The following NBEA variants were observed in gnomAD, a reference collection of about 807,000 sequenced individuals.
The protein encoded by NBEA is lysosomal-trafficking regulator 2.
A neutral mutation model predicts 343.4 loss-of-function variants in NBEA; 44 were observed. The observed-to-expected ratio is 0.13, with a 90% CI of 0.10 to 0.16. The LOEUF (loss-of-function observed/expected upper bound fraction) is 0.16. Among genes scored for constraint, NBEA ranks in the 10% least tolerant of loss-of-function variants. The pLI, the probability that NBEA is intolerant of heterozygous loss-of-function variation, is 1.00. For missense variants in NBEA, 2,555 were observed against 3,631.3 expected, an observed-to-expected ratio of 0.70 and a Z score of 7.62; for synonymous variants, 1,175 against 1,238.7, an observed-to-expected ratio of 0.95 and a Z score of 1.08.
chr13:35,320,967 C>T (rs777999200), intron 36 of NBEA, among the ~76,000 whole-genome samples: 9 of 152,056 alleles, frequency 5.9e-5, no homozygotes, highest in African/African-American at 1.9e-4. Flanking sequence ...TTCCCTAAAC[C>T]GGTTATTCTA....
chr13:35,660,206 CATT>C (rs2085018005), intron 55 of NBEA, among the ~76,000 whole-genome samples: 1 of 152,156 alleles, frequency 6.6e-6, no homozygotes. Context: ...GGCAAGTTAA[CATT>C]GTTGTCTCTT....
intron 46 of NBEA, among the ~76,000 whole-genome samples, chr13:35,586,996 CT>C (rs921696749): frequency 8.6e-6 from 1 of 116,534 alleles, no homozygotes; most frequent in African/African-American, 2.5e-5. Context: ...GATTTGAACT[CT>C]CAAATAGTCA....
At chr13:35,378,160 C>T (rs1167587143) in intron 38 of NBEA, among the ~76,000 whole-genome samples, 1 of 152,144 alleles carries the variant, frequency 6.6e-6, no homozygotes, top group Non-Finnish European at 1.5e-5. Context: ...GGAATAGGCC[C>T]ATAGAAATAA....
At chr13:35,537,511 T>A (rs1368299829) in intron 41 of NBEA, among the ~76,000 whole-genome samples, 1 of 152,214 alleles carries the variant, frequency 6.6e-6, no homozygotes, top group Non-Finnish European at 1.5e-5. Flanking sequence ...GGAGATTACA[T>A]TAAAAATGAA....
chr13:35,412,294 A>G (rs978885383), intron 38 of NBEA, among the ~76,000 whole-genome samples: 7 of 143,278 alleles, frequency 4.9e-5, no homozygotes, highest in African/African-American at 7.4e-5. Flanking sequence ...ATGTTAACTA[A>G]AAGGGCGCTG....
chr13:35,446,700 A>T (rs1331964789), intron 39 of NBEA, among the ~76,000 whole-genome samples: 1 of 152,190 alleles, frequency 6.6e-6, no homozygotes, highest in Non-Finnish European at 1.5e-5. Flanking sequence ...AATAAGCAGA[A>T]GCTAGATCAT....
At chr13:35,501,658 C>G (rs1382544764) in intron 41 of NBEA, among the ~76,000 whole-genome samples, 1 of 152,090 alleles carries the variant, frequency 6.6e-6, no homozygotes, top group Admixed American at 6.6e-5. Context: ...AATAAATAAC[C>G]TACCTCACCT....
chr13:35,069,262 A>T lies in NBEA; in HGVS notation c.1240-646A>T, dbSNP rs534562591. Among the ~76,000 whole-genome samples, 5 of 152,276 alleles carry T rather than the reference A, an allele frequency of 3.3e-5. No homozygotes were observed. The South Asian group carries it at 1.0e-3, about 32-fold the overall frequency. On this transcript the variant is annotated intron_variant, in intron 8 of 58. Coordinates refer to ENST00000379939, the MANE Select transcript of NBEA (RefSeq NM_001385012.1). ...AGGTTAAATATTATTTATCATTATT[A>T]GATTCATATCTGCAGAGCAATTTTA...
At chr13:35,491,023 A>G (rs2076481802) in intron 41 of NBEA, among the ~76,000 whole-genome samples, 1 of 151,944 alleles carries the variant, frequency 6.6e-6, no homozygotes, top group African/African-American at 2.4e-5. Context: ...TAATACACAT[A>G]AAAGTTTATG....
At chr13:35,090,080 A>ATAAATAAATAAG (rs1315044287) in intron 10 of NBEA, among the ~76,000 whole-genome samples, 3 of 151,020 alleles carry the variant, frequency 2.0e-5, no homozygotes, top group Admixed American at 6.6e-5. Context: ...AAATAAATAA[A>ATAAATAAATAAG]TAAATAAATA....
At chr13:35,380,895 GTTGT>G (rs1022124192) in intron 38 of NBEA, among the ~76,000 whole-genome samples, 3 of 152,080 alleles carry the variant, frequency 2.0e-5, no homozygotes, top group African/African-American at 7.2e-5. Flanking sequence ...TTAGTCATAG[GTTGT>G]TTGTTTCGTT....
chr13:35,573,875 T>G (rs1037702069), intron 45 of NBEA, among the ~76,000 whole-genome samples: 2 of 152,186 alleles, frequency 1.3e-5, no homozygotes, highest in African/African-American at 4.8e-5. Context: ...CATGCAAAAC[T>G]AGGCCAAATT....
intron 55 of NBEA, among the ~76,000 whole-genome samples, chr13:35,663,364 G>A (rs1348252890): frequency 6.6e-6 from 1 of 152,186 alleles, no homozygotes; most frequent in East Asian, 1.9e-4. Flanking sequence ...AAGAAGATGG[G>A]ACAGTTGTCT....
intron 24 of NBEA, 141 bp downstream of exon 24, chr13:35,164,650 C>T (rs1303317288): frequency 2.2e-6 from 2 of 906,464 alleles, no homozygotes; most frequent in African/African-American, 1.7e-5. Flanking sequence ...TTTCTATTTC[C>T]ACCACTTTTG....
intron 8 of NBEA, among the ~76,000 whole-genome samples, chr13:35,062,399 G>T (rs1299340562): frequency 6.6e-6 from 1 of 151,656 alleles, no homozygotes; most frequent in Non-Finnish European, 1.5e-5. Flanking sequence ...AATAGGCACA[G>T]TATAAGAGAA....
chr13:35,479,323 C>A (rs1203119206), intron 41 of NBEA, among the ~76,000 whole-genome samples: 1 of 152,160 alleles, frequency 6.6e-6, no homozygotes, highest in African/African-American at 2.4e-5. Flanking sequence ...TACTCTAGTG[C>A]AAGTACTGCT....
chr13:35,226,953 G>A (rs201921702), intron 33 of NBEA, among the ~76,000 whole-genome samples: 1 of 151,902 alleles, frequency 6.6e-6, no homozygotes, highest in East Asian at 1.9e-4. Flanking sequence ...TTTTGTTTAC[G>A]ATATAAAGCA....
At chr13:35,124,825 T>G (rs1255481738) in intron 17 of NBEA, among the ~76,000 whole-genome samples, 1 of 139,224 alleles carries the variant, frequency 7.2e-6, no homozygotes, top group Non-Finnish European at 1.5e-5. Context: ...CACATATGGA[T>G]ATATATATAT....
chr13:34,974,998 G>GA (rs1315573584), intron 1 of NBEA, among the ~76,000 whole-genome samples: 3 of 152,184 alleles, frequency 2.0e-5, no homozygotes, highest in African/African-American at 7.2e-5. Flanking sequence ...GGCTAAGCAT[G>GA]TAGTCCTCAT....
Sources: allele counts gnomAD v4.1 joint callset (sites outside exome capture counted in the v4.1 genomes callset), GRCh38; gene constraint gnomAD v4.1.1; transcripts MANE v1.5; gene names NCBI Gene and HGNC (gene_info 2026-07-23, HGNC 2026-07-21).